The following RASGRF2 variants were observed in gnomAD, a reference collection of about 807,000 sequenced individuals.
RASGRF2 encodes the protein ras-specific guanine nucleotide-releasing factor 2.
Under a neutral mutation model 151.0 loss-of-function variants are expected in RASGRF2, and 76 were observed. That is an observed-to-expected ratio of 0.50 (90% CI 0.42 to 0.61). The LOEUF is 0.61. RASGRF2 is among the 20% of genes least tolerant of loss of function. The probability of loss-of-function intolerance (pLI) is 0.00; values close to 1 mark genes in which losing one functional copy is unlikely to be tolerated. For synonymous variants in RASGRF2, 504 were observed against 566.5 expected, an observed-to-expected ratio of 0.89 and a Z score of 1.57; for missense variants, 1,148 against 1,564.6, an observed-to-expected ratio of 0.73 and a Z score of 4.49.
chr5:81,013,458 C>T (rs1749533549), intron 1 of RASGRF2, among the ~76,000 whole-genome samples: 1 of 152,102 alleles, frequency 6.6e-6, no homozygotes, highest in Non-Finnish European at 1.5e-5. Flanking sequence ...TGTGCCACAC[C>T]ACCTGGGCTG....
At chr5:81,116,540 C>G (rs1357376413) in intron 15 of RASGRF2, among the ~76,000 whole-genome samples, 1 of 151,988 alleles carries the variant, frequency 6.6e-6, no homozygotes, top group Non-Finnish European at 1.5e-5. Context: ...AACAACTCTC[C>G]TAGAGAATCT....
At chr5:81,049,042 T>G (rs1410302706) in intron 2 of RASGRF2, among the ~76,000 whole-genome samples, 1 of 152,056 alleles carries the variant, frequency 6.6e-6, no homozygotes, top group African/African-American at 2.4e-5. Context: ...CTATAACTGT[T>G]GTCACCTGGG....
intron 17 of RASGRF2, among the ~76,000 whole-genome samples, chr5:81,163,129 C>T (rs1038954541): frequency 2.6e-5 from 4 of 152,118 alleles, no homozygotes; most frequent in Admixed American, 6.5e-5. Flanking sequence ...CTCTGTGACT[C>T]CACACCTGGA....
chr5:81,071,903 A>G (rs963559115), intron 4 of RASGRF2, among the ~76,000 whole-genome samples: 6 of 152,186 alleles, frequency 3.9e-5, no homozygotes, highest in Non-Finnish European at 7.4e-5. Flanking sequence ...GAAAGGTTTT[A>G]CTTAACACAA....
At position 81,080,167 on chromosome 5, in the gene RASGRF2, G is replaced by GC; in HGVS notation, c.935dup (p.Arg313LysfsTer12). On this transcript the variant is annotated frameshift_variant, in exon 6 of 27. Transcript: ENST00000265080. LOFTEE classifies it high-confidence loss of function. ...TGAAATATTTCATCAAGGACTAAAGGCAAGGATAGCAAACTGGCCCACTTT... is the reference window on the plus strand; with the variant it reads ...TGAAATATTTCATCAAGGACTAAAGGCCAAGGATAGCAAACTGGCCCACTTT... 1 of 1,599,330 alleles carries GC rather than the reference G, an allele frequency of 6.3e-7. No individual in the cohort carries two copies. Among genetic ancestry groups the GC allele is most frequent in the Non-Finnish European group, 8.5e-7 (1 of 1,176,882 alleles).
intron 1 of RASGRF2, among the ~76,000 whole-genome samples, chr5:81,040,541 C>T (rs181676997): frequency 6.6e-6 from 1 of 152,306 alleles, no homozygotes; most frequent in East Asian, 1.9e-4. Context: ...TTTCTAGTCT[C>T]TGTTACACGG....
At chr5:81,058,225 G>C (rs1289150961) in intron 2 of RASGRF2, among the ~76,000 whole-genome samples, 1 of 142,050 alleles carries the variant, frequency 7.0e-6, no homozygotes, top group East Asian at 2.0e-4. Flanking sequence ...TGTTGTGGGA[G>C]TTGAACTAAA....
At chr5:81,084,133 A>G (rs1752161791) in intron 7 of RASGRF2, among the ~76,000 whole-genome samples, 1 of 152,230 alleles carries the variant, frequency 6.6e-6, no homozygotes. Context: ...GCCAGCGAGC[A>G]CTTTAAAAGA....
At chr5:80,961,167 G>A (rs1747540778) in intron 1 of RASGRF2, 141 bp downstream of exon 1, 2 of 970,422 alleles carry the variant, frequency 2.1e-6, no homozygotes, top group Admixed American at 3.1e-5. Context: ...CCAGTGGCGG[G>A]ACATCTCCAC....
At chr5:81,062,735 G>A (rs1372767723) in intron 2 of RASGRF2, among the ~76,000 whole-genome samples, 1 of 152,174 alleles carries the variant, frequency 6.6e-6, no homozygotes, top group Non-Finnish European at 1.5e-5. Flanking sequence ...AGAACCTTGT[G>A]TGTGTCAACT....
intron 24 of RASGRF2, 139 bp downstream of exon 24, chr5:81,216,094 A>G (rs1755729415): frequency 3.4e-6 from 3 of 883,754 alleles, no homozygotes; most frequent in Non-Finnish European, 4.6e-6. Flanking sequence ...TCATCTAGGT[A>G]TTTTTCTGAT....
intron 10 of RASGRF2, among the ~76,000 whole-genome samples, chr5:81,093,258 C>T (rs762940336): frequency 1.1e-4 from 16 of 152,188 alleles, no homozygotes; most frequent in Non-Finnish European, 2.2e-4. Flanking sequence ...AAGTTATATA[C>T]TAGTTGACAA....
At chr5:80,977,995 A>G (rs772779992) in intron 1 of RASGRF2, among the ~76,000 whole-genome samples, 11 of 152,178 alleles carry the variant, frequency 7.2e-5, no homozygotes, top group Non-Finnish European at 1.3e-4. Context: ...TAGTTGGGTG[A>G]TTACTTTTAC....
chr5:81,030,483 G>C (rs978653396), intron 1 of RASGRF2, among the ~76,000 whole-genome samples: 3 of 152,174 alleles, frequency 2.0e-5, no homozygotes, highest in African/African-American at 7.2e-5. Context: ...AGAGGACAGT[G>C]GGAGCCATTA....
chr5:80,967,853 G>A (rs1747773325), intron 1 of RASGRF2, among the ~76,000 whole-genome samples: 1 of 152,210 alleles, frequency 6.6e-6, no homozygotes, highest in South Asian at 2.1e-4. Context: ...CATAGGAATA[G>A]GAGGCCACTC....
intron 15 of RASGRF2, 55 bp from the exon 16 acceptor site, chr5:81,123,587 A>C: frequency 2.5e-6 from 4 of 1,585,816 alleles, no homozygotes; most frequent in Non-Finnish European, 3.4e-6. Flanking sequence ...TGATACTGAC[A>C]AGAAGCTCTT....
intron 12 of RASGRF2, among the ~76,000 whole-genome samples, chr5:81,107,196 C>CAAAAAAA (rs35987554): frequency 7.4e-5 from 7 of 94,294 alleles, no homozygotes; most frequent in African/African-American, 2.9e-4. Flanking sequence ...CCTGTCTCTA[C>CAAAAAAA]AAAAAAAAAA....
chr5:81,219,355 A>G (rs1032671572), intron 25 of RASGRF2, among the ~76,000 whole-genome samples: 4 of 152,174 alleles, frequency 2.6e-5, no homozygotes, highest in African/African-American at 9.7e-5. Context: ...TGCTGGGATT[A>G]CAGGCATGAG....
At chr5:81,144,357 T>C (rs1753954526) in intron 17 of RASGRF2, among the ~76,000 whole-genome samples, 1 of 152,220 alleles carries the variant, frequency 6.6e-6, no homozygotes, top group South Asian at 2.1e-4. Context: ...GAATATCCCC[T>C]TAGACTGTAG....
Sources: gnomAD v4.1 joint callset for allele counts (sites outside exome capture counted in the v4.1 genomes callset) on GRCh38, gnomAD v4.1.1 for gene constraint, MANE v1.5 for transcripts, NCBI Gene and HGNC (gene_info 2026-07-23, HGNC 2026-07-21) for gene names.